The following ZNF626 variants were observed in gnomAD, a reference collection of about 807,000 sequenced individuals.
The protein encoded by ZNF626 is CTC-513N18.7.
Under a neutral mutation model 11.7 loss-of-function variants are expected in ZNF626, and 4 were observed. The observed-to-expected ratio is 0.34, with a 90% CI of 0.17 to 0.78. The LOEUF (loss-of-function observed/expected upper bound fraction) is 0.78. Among genes scored for constraint, ZNF626 ranks in the 30% least tolerant of loss-of-function variants. The pLI is 0.57. For missense variants in ZNF626, 588 were observed against 587.1 expected, an observed-to-expected ratio of 1.00 and a Z score of -0.01; for synonymous variants, 179 against 198.6, an observed-to-expected ratio of 0.90 and a Z score of 0.83.
intron 3 of ZNF626, among the ~76,000 whole-genome samples, chr19:20,634,993 A>T (rs1197353421): frequency 2.0e-5 from 3 of 152,354 alleles, no homozygotes; most frequent in African/African-American, 7.2e-5. Context: ...CCAACAGGTT[A>T]AAACAATACA....
intron 3 of ZNF626, among the ~76,000 whole-genome samples, chr19:20,630,068 T>A (rs1555770213): frequency 6.6e-6 from 1 of 152,244 alleles, no homozygotes; most frequent in Non-Finnish European, 1.5e-5. Flanking sequence ...TCTGTTTATA[T>A]GCTGGAGTAT....
chr19:20,661,552 C>A lies in ZNF626; in HGVS notation c.-106G>T. The stretch of plus-strand genomic sequence containing the variant: ...TTTAGGAGAAGAACCAGACCTGGAG[C>A]TCTGACTGCAGCGAGAGACAAAGGC... On this transcript the variant is annotated 5_prime_UTR_variant, in exon 1 of 4. Transcript: ENST00000601440. The A allele has an allele frequency of 7.7e-7, 1 of 1,302,942 alleles. No individual in the cohort carries two copies. Among genetic ancestry groups the A allele is most frequent in the Non-Finnish European group, 1.1e-6 (1 of 926,748 alleles). 80.7% of individuals were successfully genotyped at this position (1,302,942 alleles called of 1,614,324 possible). A position where few individuals can be genotyped will look rare whatever the true frequency, so the allele number is the denominator to read the frequency against.
At chr19:20,638,138 T>C (rs550839716) in intron 3 of ZNF626, among the ~76,000 whole-genome samples, 1 of 151,876 alleles carries the variant, frequency 6.6e-6, no homozygotes, top group South Asian at 2.1e-4. Context: ...CAAAAATAAA[T>C]GAGGCCAGGC....
At chr19:20,632,728 T>C (rs1555770482) in intron 3 of ZNF626, among the ~76,000 whole-genome samples, 1 of 152,178 alleles carries the variant, frequency 6.6e-6, no homozygotes. Context: ...TTGCCATTAG[T>C]TCGAATTTCC....
At chr19:20,653,095 TTTAGGGTATGGCATGCAC>T (rs2144791738) in intron 1 of ZNF626, among the ~76,000 whole-genome samples, 1 of 152,244 alleles carries the variant, frequency 6.6e-6, no homozygotes, top group African/African-American at 2.4e-5. Context: ...GGCCTGCACA[TTTAGGGTATGGCATGCAC>T]TTTTCTGCAC....
Position 20,621,512 on chromosome 19 carries a change from C to G in ZNF626, c.*2778G>C, listed in dbSNP as rs1969757833. On this transcript the variant is annotated 3_prime_UTR_variant, in exon 4 of 4. Transcript: ENST00000601440. ...AATTTAATTGGACATTTAAAAGTAACTAAAAGTGTATAATTACACTGTTTG... is the reference window on the plus strand; with the variant it reads ...AATTTAATTGGACATTTAAAAGTAAGTAAAAGTGTATAATTACACTGTTTG... The G allele has an allele frequency of 6.6e-6, 1 of 152,092 alleles. No homozygotes were observed. The highest frequency in any genetic ancestry group is 2.4e-5 in the African/African-American group (1 of 41,400). 9.4% of individuals were successfully genotyped at this position (152,092 alleles called of 1,614,324 possible). A position where few individuals can be genotyped will look rare whatever the true frequency, so the allele number is the denominator to read the frequency against.
Position 20,625,287 on chromosome 19 carries a change from C to T in ZNF626, c.590G>A (p.Gly197Glu). 3.1e-6 allele frequency: 5 copies of T among 1,613,952 alleles called. No individual in the cohort carries two copies. The highest frequency in any genetic ancestry group is 2.2e-5 in the East Asian group (1 of 44,864). Residue 197 changes from glycine to glutamate, a missense_variant, in exon 4 of 4, where the codon GGA (glycine) becomes GAA (glutamate). Physicochemically the swap from Gly to Glu is moderately conservative, Grantham distance 98 (BLOSUM62 -2). Transcript: ENST00000601440. ...TTCTTCACATTTGTAGGGTTTCCCT[C>T]CAGTATGAATTTTCTTATGTGTAGT... ...TLTTHKKIHT[G>E]GKPYKCEECG...
intron 3 of ZNF626, among the ~76,000 whole-genome samples, chr19:20,636,899 T>C (rs1555770939): frequency 6.6e-6 from 1 of 151,818 alleles, no homozygotes; most frequent in Non-Finnish European, 1.5e-5. Flanking sequence ...CACATTCCTG[T>C]TGTCCCAGCT....
chr19:20,632,781 A>C (rs1306489820), intron 3 of ZNF626, among the ~76,000 whole-genome samples: 2 of 152,010 alleles, frequency 1.3e-5, no homozygotes, highest in Non-Finnish European at 2.9e-5. Flanking sequence ...GCCTTCTCTC[A>C]ACTCGTCAAA....
At chr19:20,631,035 A>G (rs1568456250) in intron 3 of ZNF626, among the ~76,000 whole-genome samples, 1 of 151,892 alleles carries the variant, frequency 6.6e-6, no homozygotes, top group Non-Finnish European at 1.5e-5. Context: ...TTATTTACCC[A>G]GTAGTCATTC....
chr19:20,656,684 A>T (rs77914957), intron 1 of ZNF626, among the ~76,000 whole-genome samples: 1 of 40,314 alleles, frequency 2.5e-5, no homozygotes, highest in Non-Finnish European at 3.7e-5. Flanking sequence ...AAGCATTATT[A>T]AAAAAAAAAA....
chr19:20,632,088 C>G (rs1372271923), intron 3 of ZNF626, among the ~76,000 whole-genome samples: 3 of 152,112 alleles, frequency 2.0e-5, no homozygotes, highest in Admixed American at 2.0e-4. Flanking sequence ...GTTGAAAATT[C>G]TTTTCTTTAA....
At chr19:20,628,466 G>A (rs34744181) in intron 3 of ZNF626, among the ~76,000 whole-genome samples, 3,018 of 152,148 alleles carry the variant, frequency 0.02, 108 homozygotes, top group African/African-American at 0.069. Flanking sequence ...TTTAATGATT[G>A]CCATTCTAAC....
intron 1 of ZNF626, 43 bp from the exon 2 acceptor site, chr19:20,646,448 G>A (rs782196471): frequency 3.1e-6 from 5 of 1,612,714 alleles, no homozygotes; most frequent in African/African-American, 1.3e-5. Flanking sequence ...GTGGCCATGG[G>A]CGGAATTTTT....
At chr19:20,651,186 CAAAAA>C (rs34904142) in intron 1 of ZNF626, among the ~76,000 whole-genome samples, 5 of 126,932 alleles carry the variant, frequency 3.9e-5, no homozygotes, top group Non-Finnish European at 6.5e-5. Flanking sequence ...GACTCCATAT[CAAAAA>C]AAAAAAAAAA....
In ZNF626 at chr19:20,659,584, C is replaced by A. The variant is rs540364042; in HGVS notation, c.3+1860G>T. On this transcript the variant is annotated intron_variant, in intron 1 of 3. Transcript: ENST00000601440. ...AACTTTACTTAAGTTTATCTCCATC[C>A]CTCAGGCTAGTGAGGGATGGAGATA... Among the ~76,000 whole-genome samples, 12 of 152,044 alleles carry A rather than the reference C, an allele frequency of 7.9e-5. No homozygotes were observed. The East Asian group carries it at 2.3e-3, about 30-fold the overall frequency.
At chr19:20,625,790 T>A in intron 3 of ZNF626, 140 bp from the exon 4 acceptor site, 1 of 934,152 alleles carries the variant, frequency 1.1e-6, no homozygotes, top group Non-Finnish European at 1.5e-6. Flanking sequence ...AATTTCTTCC[T>A]GGACATATGA....
Position 20,643,020 on chromosome 19 carries a change from A to AC in ZNF626, c.226+2663_226+2664insG, listed in dbSNP as rs1345016267. ...AGGGTAACTCCTTCTCAAAAAAAAAAAAAAAAAATTTGTTGAAGTAACTGC... is the reference window on the plus strand; with the variant it reads ...AGGGTAACTCCTTCTCAAAAAAAAAACAAAAAAAATTTGTTGAAGTAACTGC... On this transcript the variant is annotated intron_variant, in intron 3 of 3. Coordinates refer to ENST00000601440, the MANE Select transcript of ZNF626 (RefSeq NM_001076675.3). Among the ~76,000 whole-genome samples the AC allele has an allele frequency of 5.3e-5, 8 of 152,212 alleles. No individual in the cohort carries two copies. In the East Asian group the frequency reaches 1.5e-3, roughly 29 times the overall value.
chr19:20,620,615 A>G lies in ZNF626; in HGVS notation c.*3675T>C, dbSNP rs2033276. Reference sequence around the variant, plus strand: ...GTCACCCAGGCTGGAGTGCAGCAGCACAATCTTGGCTCACTGCAATCTCCA... The same window carrying G: ...GTCACCCAGGCTGGAGTGCAGCAGCGCAATCTTGGCTCACTGCAATCTCCA... On this transcript the variant is annotated 3_prime_UTR_variant, in exon 4 of 4. Coordinates refer to ENST00000601440, the MANE Select transcript of ZNF626 (RefSeq NM_001076675.3). 120,570 of 151,782 alleles carry G rather than the reference A, an allele frequency of 0.79. 48,804 individuals are homozygous for G. Among genetic ancestry groups the G allele is most frequent in the Admixed American group, 0.87 (13,308 of 15,278 alleles). The allele number at this position is 151,782 out of a possible 1,614,324, so 9.4% of individuals were successfully genotyped here. A position where few individuals can be genotyped will look rare whatever the true frequency, so the allele number is the denominator to read the frequency against.
Sources: allele counts gnomAD v4.1 joint callset (sites outside exome capture counted in the v4.1 genomes callset), GRCh38; gene constraint gnomAD v4.1.1; transcripts MANE v1.5; gene names NCBI Gene and HGNC (gene_info 2026-07-23, HGNC 2026-07-21).